The following CDH13 variants were observed in gnomAD, a reference collection of about 807,000 sequenced individuals.
The protein encoded by CDH13 is cadherin-13.
Under a neutral mutation model 63.8 loss-of-function variants are expected in CDH13, and 24 were observed. The observed-to-expected ratio is 0.38, with a 90% confidence interval of 0.27 to 0.53. The LOEUF (loss-of-function observed/expected upper bound fraction) is 0.53. CDH13 is among the 20% of genes least tolerant of loss of function. CDH13 has a pLI of 0.85. For synonymous variants in CDH13, 503 were observed against 355.3 expected (o/e 1.42, Z -4.67); for missense variants, 1,049 against 903.1 (o/e 1.16, Z -2.07).
At chr16:83,064,754 A>G (rs1472971733) in intron 3 of CDH13, among the ~76,000 whole-genome samples, 1 of 152,194 alleles carries the variant, frequency 6.6e-6, no homozygotes. Context: ...AATTGTATGC[A>G]TTTATGAGGT....
At chr16:83,509,829 G>C (rs983710430) in intron 7 of CDH13, among the ~76,000 whole-genome samples, 1 of 152,156 alleles carries the variant, frequency 6.6e-6, no homozygotes, top group South Asian at 2.1e-4. Context: ...CTCTCTCTGA[G>C]TTTGGAGGAC....
At position 83,356,158 on chromosome 16, in the gene CDH13, C is replaced by T. The variant is rs116533417; in HGVS notation, c.781+11152C>T. ...GTTGCAAGTAATTCCAAAGTTGCTA[C>T]CTTAAATGTAAGAGAGCATTTTCTT... is the stretch of plus-strand genomic sequence containing the variant. On this transcript the variant is annotated intron_variant, in intron 6 of 13. Coordinates refer to ENST00000567109, the MANE Select transcript of CDH13 (RefSeq NM_001257.5). 5.0e-3 allele frequency among the ~76,000 whole-genome samples: 748 copies of T among 150,236 alleles called. 5 individuals carry two copies. The highest frequency in any genetic ancestry group is 0.017 in the African/African-American group (710 of 40,898).
At chr16:83,478,110 A>T (rs893055493) in intron 6 of CDH13, among the ~76,000 whole-genome samples, 8 of 150,638 alleles carry the variant, frequency 5.3e-5, no homozygotes, top group Admixed American at 1.3e-4. Flanking sequence ...CAGTGAGCCG[A>T]GATCACGCCA....
intron 5 of CDH13, among the ~76,000 whole-genome samples, chr16:83,254,799 C>T (rs1371217249): frequency 6.6e-6 from 1 of 152,156 alleles, no homozygotes; most frequent in Non-Finnish European, 1.5e-5. Flanking sequence ...TGACTGTAAC[C>T]ATAAAGATAA....
chr16:83,455,268 A>G lies in CDH13; in HGVS notation c.782-31209A>G, dbSNP rs1312029344. Among the ~76,000 whole-genome samples the G allele has an allele frequency of 2.0e-5, 3 of 152,190 alleles. No homozygotes were observed. The East Asian group carries it at 5.8e-4, about 29-fold the overall frequency. ...TGAGACAAGGAAACTGGCAAGGCCC[A>G]AGAGATTCACTAACCCCCTCTAAAC... On this transcript the variant is annotated intron_variant, in intron 6 of 13. Transcript: ENST00000567109.
At chr16:83,253,169 T>C (rs1274723265) in intron 5 of CDH13, among the ~76,000 whole-genome samples, 2 of 152,154 alleles carry the variant, frequency 1.3e-5, no homozygotes, top group African/African-American at 4.8e-5. Flanking sequence ...ATTTGAAAAG[T>C]TGCATTTTTT....
intron 6 of CDH13, among the ~76,000 whole-genome samples, chr16:83,426,377 A>T (rs1335137813): frequency 6.6e-6 from 1 of 152,162 alleles, no homozygotes; most frequent in Non-Finnish European, 1.5e-5. Flanking sequence ...AACTCATAAG[A>T]CTAAACTCTA....
At chr16:83,161,371 C>T (rs924845283) in intron 4 of CDH13, among the ~76,000 whole-genome samples, 6 of 152,010 alleles carry the variant, frequency 3.9e-5, no homozygotes, top group Non-Finnish European at 7.4e-5. Flanking sequence ...AAATAAGGGT[C>T]TATCAGTTTT....
intron 5 of CDH13, among the ~76,000 whole-genome samples, chr16:83,279,125 A>G (rs1240096878): frequency 6.6e-6 from 1 of 151,916 alleles, no homozygotes; most frequent in Non-Finnish European, 1.5e-5. Context: ...TTTGAATTGA[A>G]TATTTAGTCA....
chr16:83,498,921 G>T (rs1268991743), intron 7 of CDH13, among the ~76,000 whole-genome samples: 1 of 152,168 alleles, frequency 6.6e-6, no homozygotes, highest in African/African-American at 2.4e-5. Context: ...AGGAGGCTAT[G>T]GAGAACAGAC....
intron 1 of CDH13, among the ~76,000 whole-genome samples, chr16:82,652,919 TC>T: frequency 6.6e-6 from 1 of 152,296 alleles, no homozygotes; most frequent in Middle Eastern, 3.4e-3. Context: ...ATGTTCTTCA[TC>T]CCACTCCTTC....
chr16:82,744,562 C>G (rs943531218), intron 1 of CDH13, among the ~76,000 whole-genome samples: 43 of 152,194 alleles, frequency 2.8e-4, no homozygotes, highest in Admixed American at 1.9e-3. Flanking sequence ...TACCAGGTCC[C>G]TTTCCCCTCA....
At position 83,162,112 on chromosome 16, in the gene CDH13, G is replaced by C. The variant is rs73604290; in HGVS notation, c.483+36611G>C. On this transcript the variant is annotated intron_variant, in intron 4 of 13. Coordinates refer to ENST00000567109, the MANE Select transcript of CDH13 (RefSeq NM_001257.5). The stretch of plus-strand genomic sequence containing the variant: ...AAACATGAACTGCTTCTCAGACGTG[G>C]CATTTACATGCCTGGTGCTTCCTTA... Among the ~76,000 whole-genome samples, 365 of 152,282 alleles carry C rather than the reference G, an allele frequency of 2.4e-3. 3 individuals carry two copies. Among genetic ancestry groups the C allele is most frequent in the African/African-American group, 8.5e-3 (352 of 41,552 alleles).
intron 10 of CDH13, among the ~76,000 whole-genome samples, chr16:83,692,855 AG>A: frequency 6.6e-6 from 1 of 152,150 alleles, no homozygotes; most frequent in Non-Finnish European, 1.5e-5. Context: ...AGGCCGAGGC[AG>A]GTGGATCACG....
chr16:83,692,425 A>T (rs1247148464), intron 10 of CDH13, among the ~76,000 whole-genome samples: 3 of 152,164 alleles, frequency 2.0e-5, no homozygotes, highest in Non-Finnish European at 4.4e-5. Context: ...ATCTGATGAC[A>T]GGGATGGCTT....
chr16:83,567,874 C>A (rs540616351), intron 7 of CDH13, among the ~76,000 whole-genome samples: 1 of 152,326 alleles, frequency 6.6e-6, no homozygotes, highest in Admixed American at 6.5e-5. Context: ...GGATTACAGG[C>A]ATGAGCCACC....
intron 1 of CDH13, among the ~76,000 whole-genome samples, chr16:82,771,942 AC>A (rs1479091482): frequency 6.6e-6 from 1 of 152,236 alleles, no homozygotes; most frequent in African/African-American, 2.4e-5. Context: ...CTCTTGACCC[AC>A]AAGTCCTTGG....
At chr16:83,619,572 C>T (rs923594411) in intron 8 of CDH13, among the ~76,000 whole-genome samples, 1 of 152,218 alleles carries the variant, frequency 6.6e-6, no homozygotes, top group Non-Finnish European at 1.5e-5. Context: ...TGCCTGTCCC[C>T]ACACTTCTGG....
chr16:82,999,716 A>T (rs73594218), intron 2 of CDH13, among the ~76,000 whole-genome samples: 2 of 152,142 alleles, frequency 1.3e-5, no homozygotes, highest in African/African-American at 4.8e-5. Flanking sequence ...AGTTTGCACT[A>T]TATATTCCGA....
Sources: allele counts gnomAD v4.1 joint callset (sites outside exome capture counted in the v4.1 genomes callset), GRCh38; gene constraint gnomAD v4.1.1; transcripts MANE v1.5; gene names NCBI Gene and HGNC (gene_info 2026-07-23, HGNC 2026-07-21).